CREBBP: variants seen among roughly 807,000 people sequenced by gnomAD.
The protein encoded by CREBBP is CREB-binding protein.
CREBBP carries 19 observed loss-of-function variants against 265.0 expected under a neutral mutation model. The ratio of observed to expected loss-of-function variants is 0.07; its 90% CI spans 0.05 to 0.11. The LOEUF is 0.11. CREBBP is among the 10% of genes least tolerant of loss of function. The pLI is 1.00. For missense variants in CREBBP, 2,525 were observed against 3,219.0 expected (o/e 0.78, Z 5.22); for synonymous variants, 1,457 against 1,223.7 (o/e 1.19, Z -3.98).
At chr16:3,816,788 T>A (rs1596996135) in intron 2 of CREBBP, among the ~76,000 whole-genome samples, 1 of 152,122 alleles carries the variant, frequency 6.6e-6, no homozygotes. Flanking sequence ...CCTGGAACAT[T>A]CTCTGCATCC....
chr16:3,731,042 C>T lies in CREBBP; in HGVS notation c.5172+150G>A. 1.2e-6 allele frequency: 1 copy of T among 830,230 alleles called. No individual in the cohort carries two copies. Among genetic ancestry groups the T allele is most frequent in the Admixed American group, 1.9e-5 (1 of 52,272 alleles). The allele number at this position is 830,230 out of a possible 1,614,324, so 51.4% of individuals were successfully genotyped here. On this transcript the variant is annotated intron_variant, in intron 30 of 30. Coordinates refer to ENST00000262367, the MANE Select transcript of CREBBP (RefSeq NM_004380.3). This position sits in a 1 kb window ranked among gnomAD's most constrained non-coding sequence, Gnocchi z 7.7. Reference sequence around the variant, plus strand: ...TTTAGGAAACACACACACAGCAACGCCTTCTGCCTTGTGACGCTGTCCTAG... The same window carrying T: ...TTTAGGAAACACACACACAGCAACGTCTTCTGCCTTGTGACGCTGTCCTAG...
intron 11 of CREBBP, 77 bp downstream of exon 11, chr16:3,777,536 G>A: frequency 7.0e-7 from 1 of 1,427,172 alleles, no homozygotes; most frequent in South Asian, 1.1e-5. Flanking sequence ...AATATACAGG[G>A]GGAGAGGAAA....
chr16:3,726,650 G>A lies in CREBBP; in HGVS notation c.*1068C>T, dbSNP rs1326152184. Reference sequence around the variant, plus strand: ...AGGGATCTTAAAGAACAGAATACATGTTAAAAACCTCAGTAATTTATATCA... The same window carrying A: ...AGGGATCTTAAAGAACAGAATACATATTAAAAACCTCAGTAATTTATATCA... On this transcript the variant is annotated 3_prime_UTR_variant, in exon 31 of 31. Coordinates refer to ENST00000262367, the MANE Select transcript of CREBBP (RefSeq NM_004380.3). The A allele has an allele frequency of 5.1e-5, 12 of 233,432 alleles. No individual in the cohort carries two copies. The highest frequency in any genetic ancestry group is 9.3e-5 in the Non-Finnish European group (11 of 118,014). 14.5% of individuals were successfully genotyped at this position (233,432 alleles called of 1,614,324 possible).
intron 5 of CREBBP, among the ~76,000 whole-genome samples, chr16:3,783,904 A>T (rs1363530762): frequency 6.6e-6 from 1 of 152,242 alleles, no homozygotes; most frequent in Non-Finnish European, 1.5e-5. Context: ...TTTCAAGGTC[A>T]ATTCATCTAC....
chr16:3,848,528 T>C (rs2054716418), intron 2 of CREBBP, among the ~76,000 whole-genome samples: 1 of 152,216 alleles, frequency 6.6e-6, no homozygotes, highest in Non-Finnish European at 1.5e-5. Flanking sequence ...CAATATTCTG[T>C]TTTACTATTT....
intron 2 of CREBBP, among the ~76,000 whole-genome samples, chr16:3,845,205 T>C (rs1163187671): frequency 2.6e-5 from 4 of 152,212 alleles, no homozygotes; most frequent in East Asian, 1.9e-4. Context: ...TCTAACTCAA[T>C]TGCTCTGTAG....
chr16:3,843,917 G>A (rs1410863288), intron 2 of CREBBP, among the ~76,000 whole-genome samples: 1 of 151,614 alleles, frequency 6.6e-6, no homozygotes, highest in Non-Finnish European at 1.5e-5. Context: ...GGGAGGCCGA[G>A]GCGGGCGGAT....
chr16:3,863,579 G>C (rs548975170), intron 1 of CREBBP, among the ~76,000 whole-genome samples: 2 of 152,142 alleles, frequency 1.3e-5, no homozygotes, highest in African/African-American at 4.8e-5. Context: ...TCCAGCCTGG[G>C]TGACAGAGCA....
At position 3,793,373 on chromosome 16, in the gene CREBBP, A is replaced by C; in HGVS notation, c.1216+13T>G. The C allele has an allele frequency of 1.2e-6, 2 of 1,613,840 alleles. No individual in the cohort carries two copies. On this transcript the variant is annotated intron_variant, in intron 4 of 30. Coordinates refer to ENST00000262367, the MANE Select transcript of CREBBP (RefSeq NM_004380.3). ...TGACCTCTACCACTAGGAGTTCCAA[A>C]AACAGCACTTACCTTGGCAGGCTTT...
intron 2 of CREBBP, among the ~76,000 whole-genome samples, chr16:3,814,433 T>A (rs2054000407): frequency 6.6e-6 from 1 of 152,136 alleles, no homozygotes; most frequent in South Asian, 2.1e-4. Flanking sequence ...TTTTGTATTT[T>A]TTAGTAGAGA....
At chr16:3,742,459 C>T (rs1009369424) in intron 23 of CREBBP, 1 of 152,122 alleles carries the variant, frequency 6.6e-6, no homozygotes, top group Non-Finnish European at 1.5e-5. Flanking sequence ...AAATTGTGCC[C>T]CTCGCTTTCT....
intron 3 of CREBBP, among the ~76,000 whole-genome samples, chr16:3,803,945 A>G (rs1035572377): frequency 2.6e-5 from 4 of 151,946 alleles, no homozygotes; most frequent in Non-Finnish European, 4.4e-5. Context: ...TTTGCTGTGC[A>G]TGGTGGCACG....
chr16:3,789,412 CCA>C (rs2053457609), intron 5 of CREBBP, among the ~76,000 whole-genome samples: 1 of 152,194 alleles, frequency 6.6e-6, no homozygotes, highest in Non-Finnish European at 1.5e-5. Flanking sequence ...CCACCAAGTC[CCA>C]CCTTTCTCTA....
chr16:3,748,594 G>C (rs1487214788), intron 21 of CREBBP, among the ~76,000 whole-genome samples: 1 of 152,236 alleles, frequency 6.6e-6, no homozygotes, highest in Non-Finnish European at 1.5e-5. Flanking sequence ...AGAGGGTCAG[G>C]ATAGGGAGAG....
intron 3 of CREBBP, among the ~76,000 whole-genome samples, chr16:3,804,940 G>T (rs2053798571): frequency 6.6e-6 from 1 of 152,230 alleles, no homozygotes; most frequent in Non-Finnish European, 1.5e-5. Context: ...TAAGTTAAAT[G>T]ACCTTGACTG....
Position 3,731,944 on chromosome 16 carries a change from C to T in CREBBP, c.4729-7G>A, listed in dbSNP as rs2151319865. The T allele has an allele frequency of 6.2e-7, 1 of 1,614,232 alleles. No individual in the cohort carries two copies. ...TGCTGTCGCCCTGACTGCCCTGCAA[C>T]AACACGCAAGGCTGTGAGACCAGGC... On this transcript the variant is annotated splice_region_variant and splice_polypyrimidine_tract_variant and intron_variant, in intron 28 of 30. Coordinates refer to ENST00000262367, the MANE Select transcript of CREBBP (RefSeq NM_004380.3). The surrounding 1 kb of genome is among the most constrained non-coding windows in gnomAD (Gnocchi z 7.7).
intron 23 of CREBBP, among the ~76,000 whole-genome samples, chr16:3,744,062 G>A (rs2052281841): frequency 6.6e-6 from 1 of 152,182 alleles, no homozygotes; most frequent in Non-Finnish European, 1.5e-5. Flanking sequence ...GCGACAGAGC[G>A]AGAATGTCTC....
At position 3,728,717 on chromosome 16, in the gene CREBBP, G is replaced by A. The variant is rs2151304681; in HGVS notation, c.6330C>T (p.Ala2110=). The change falls in exon 31 of 31, where the codon GCC becomes GCT. Residue 2110 remains alanine (A), a synonymous_variant. Coordinates refer to ENST00000262367, the MANE Select transcript of CREBBP (RefSeq NM_004380.3). This position sits in a 1 kb window ranked among gnomAD's most constrained non-coding sequence, Gnocchi z 8.7. ...FIKQRTAKYV[A]NQPGMQPQPG... Reference sequence around the variant, plus strand: ...GCTGGGGCTGCATGCCGGGCTGATTGGCCACGTACTTGGCTGTGCGCTGTT... The same window carrying A: ...GCTGGGGCTGCATGCCGGGCTGATTAGCCACGTACTTGGCTGTGCGCTGTT... The A allele has an allele frequency of 6.2e-7, 1 of 1,613,918 alleles. No individual in the cohort carries two copies. Among genetic ancestry groups the A allele is most frequent in the Non-Finnish European group, 8.5e-7 (1 of 1,179,970 alleles).
rs1333468537 is a variant in CREBBP, at chr16:3,728,310, T to G, written c.6737A>C (p.Gln2246Pro). Residue 2246 changes from glutamine (Q) to proline (P), a missense_variant, in exon 31 of 31, where the codon CAG becomes CCG. By Grantham distance (76) the Gln-to-Pro change is moderately conservative. Transcript: ENST00000262367. This position sits in a 1 kb window ranked among gnomAD's most constrained non-coding sequence, Gnocchi z 8.7. Reference protein sequence around the residue: ...GPGGYPPAMQQQQRMQQHLPL... With the variant: ...GPGGYPPAMQPQQRMQQHLPL... ...GAGATGCTGCTGCATGCGCTGCTGC[T>G]GCTGCATGGCCGGTGGGTAGCCTCC... The G allele has an allele frequency of 6.2e-7, 1 of 1,612,534 alleles. No individual in the cohort carries two copies. The highest frequency in any genetic ancestry group is 8.5e-7 in the Non-Finnish European group (1 of 1,179,678).
Sources: allele counts gnomAD v4.1 joint callset (sites outside exome capture counted in the v4.1 genomes callset), GRCh38; gene constraint gnomAD v4.1.1; non-coding constraint Gnocchi (gnomAD v3.1); transcripts MANE v1.5; gene names NCBI Gene and HGNC (gene_info 2026-07-23, HGNC 2026-07-21).